The following CIMIP2A variants were observed in gnomAD, a reference collection of about 807,000 sequenced individuals.
The protein encoded by CIMIP2A is family with sequence similarity 166 member A.
the CIMIP2A span, chr9:137,252,524 A>G: frequency 9.6e-7 from 1 of 1,042,712 alleles, no homozygotes; most frequent in African/African-American, 2.4e-5. Flanking sequence ...CAAGAGCAAA[A>G]GGTTGGGGGC....
chr9:137,246,455 C>G, the CIMIP2A span, among the ~76,000 whole-genome samples: 2 of 152,224 alleles, frequency 1.3e-5, no homozygotes, highest in East Asian at 3.8e-4. Context: ...GGAGTGAGAA[C>G]TACCTTCGTC....
the CIMIP2A span, chr9:137,245,255 C>G: frequency 6.3e-7 from 1 of 1,576,664 alleles, no homozygotes; most frequent in Non-Finnish European, 8.6e-7. Flanking sequence ...CGGTGCAGCT[C>G]CCACCTGGGG....
At chr9:137,244,378 G>A in the CIMIP2A span, 34 of 1,591,016 alleles carry the variant, frequency 2.1e-5, no homozygotes, top group South Asian at 3.4e-5. Context: ...CCGGAGGGCC[G>A]GCACTCCGTG....
the CIMIP2A span, chr9:137,253,227 C>T: frequency 2.5e-6 from 4 of 1,608,304 alleles, no homozygotes; most frequent in South Asian, 1.1e-5. Context: ...ACGACACAGG[C>T]CCCTTCTGCA....
chr9:137,247,616 C>T, the CIMIP2A span: 1 of 1,590,994 alleles, frequency 6.3e-7, no homozygotes, highest in South Asian at 1.1e-5. Flanking sequence ...TCTCCCCCTC[C>T]TGCAGCCCTG....
At chr9:137,245,617 G>C in the CIMIP2A span, 1 of 1,611,590 alleles carries the variant, frequency 6.2e-7, no homozygotes, top group Non-Finnish European at 8.5e-7. Context: ...GGAGGGTGCA[G>C]GGCTGGGGAC....
the CIMIP2A span, among the ~76,000 whole-genome samples, chr9:137,243,954 C>T: frequency 6.6e-6 from 1 of 152,090 alleles, no homozygotes; most frequent in African/African-American, 2.4e-5. Context: ...GGTACCCAAC[C>T]TTGGGGCTCG....
the CIMIP2A span, chr9:137,253,504 C>G: frequency 7.0e-7 from 1 of 1,423,636 alleles, no homozygotes; most frequent in Non-Finnish European, 9.2e-7. Context: ...GTGCAGTTGT[C>G]TGTCCTTCAC....
the CIMIP2A span, chr9:137,244,754 T>G: frequency 6.2e-7 from 1 of 1,610,038 alleles, no homozygotes; most frequent in Non-Finnish European, 8.5e-7. Context: ...TAGGCAGATG[T>G]ACGGGCTACC....
At chr9:137,251,152 C>G in the CIMIP2A span, 1 of 718,974 alleles carries the variant, frequency 1.4e-6, no homozygotes, top group South Asian at 1.5e-5. Context: ...AGGGGCCCAC[C>G]AGGGGTCGGG....
the CIMIP2A span, chr9:137,252,697 G>A: frequency 6.4e-7 from 1 of 1,550,784 alleles, no homozygotes; most frequent in Non-Finnish European, 8.7e-7. Flanking sequence ...TGCTCAGCCG[G>A]CCCGCCTTCC....
At chr9:137,245,236 C>A in the CIMIP2A span, 1 of 1,573,932 alleles carries the variant, frequency 6.4e-7, no homozygotes. Context: ...GGGGAGGAAG[C>A]GGAGGTCACG....
chr9:137,248,071 C>G, the CIMIP2A span, among the ~76,000 whole-genome samples: 3 of 152,242 alleles, frequency 2.0e-5, no homozygotes, highest in Admixed American at 6.5e-5. Flanking sequence ...CCCCAGGCCC[C>G]CTCCTCTGAC....
the CIMIP2A span, chr9:137,245,498 C>T: frequency 1.9e-5 from 30 of 1,613,682 alleles, no homozygotes; most frequent in East Asian, 2.7e-4. Context: ...GGCTCCTGGG[C>T]GTCCACCTCC....
the CIMIP2A span, among the ~76,000 whole-genome samples, chr9:137,247,301 AAAATG>A: frequency 6.6e-6 from 1 of 152,228 alleles, no homozygotes; most frequent in Non-Finnish European, 1.5e-5. Flanking sequence ...ATAAATAAAT[AAAATG>A]AAATGAAGTG....
the CIMIP2A span, chr9:137,245,559 T>G: frequency 6.2e-7 from 1 of 1,613,606 alleles, no homozygotes; most frequent in Non-Finnish European, 8.5e-7. Context: ...GCTTCAGACC[T>G]GTACCAACAG....
the CIMIP2A span, chr9:137,253,547 G>C: frequency 2.2e-6 from 3 of 1,372,300 alleles, no homozygotes; most frequent in Middle Eastern, 1.9e-4. Context: ...GGCTGCCGCT[G>C]GGTCATTTCC....
chr9:137,254,517 C>T, the CIMIP2A span, among the ~76,000 whole-genome samples: 1 of 152,328 alleles, frequency 6.6e-6, no homozygotes, highest in South Asian at 2.1e-4. Context: ...GGGAGGGCTT[C>T]CTGGAGGAGG....
chr9:137,247,018 G>T, the CIMIP2A span, among the ~76,000 whole-genome samples: 1 of 152,016 alleles, frequency 6.6e-6, no homozygotes, highest in Non-Finnish European at 1.5e-5. Flanking sequence ...GGGCGTGGTG[G>T]CTTAAGCCTG....
Sources: allele counts gnomAD v4.1 joint callset (sites outside exome capture counted in the v4.1 genomes callset), GRCh38; gene constraint gnomAD v4.1.1; transcripts MANE v1.5; gene names NCBI Gene and HGNC (gene_info 2026-07-23, HGNC 2026-07-21).